The following ITGA8 variants were observed in gnomAD, a reference collection of about 807,000 sequenced individuals.
ITGA8 encodes the protein integrin alpha-8.
Under a neutral mutation model 142.3 loss-of-function variants are expected in ITGA8, and 91 were observed. The ratio of observed to expected loss-of-function variants is 0.64; its 90% CI spans 0.54 to 0.76. ITGA8 has a LOEUF of 0.76. Ranked by LOEUF, ITGA8 falls within the 30% of genes least tolerant of loss-of-function variation. The pLI, the probability that ITGA8 is intolerant of heterozygous loss-of-function variation, is 0.00. For synonymous variants in ITGA8, 505 were observed against 485.2 expected (o/e 1.04, Z -0.54); for missense variants, 1,406 against 1,327.7 (o/e 1.06, Z -0.92).
intron 13 of ITGA8, among the ~76,000 whole-genome samples, chr10:15,628,453 C>T (rs1833627419): frequency 6.6e-6 from 1 of 151,180 alleles, no homozygotes; most frequent in Non-Finnish European, 1.5e-5. Context: ...CTGCCTCAGC[C>T]TCCCGAGTAG....
intron 11 of ITGA8, among the ~76,000 whole-genome samples, chr10:15,653,347 T>TG (rs1327239671): frequency 5.6e-5 from 1 of 17,824 alleles, no homozygotes; most frequent in African/African-American, 6.6e-5. Context: ...TTAATAGACT[T>TG]TTTTTTTAGA....
chr10:15,664,470 A>T (rs1051407293), intron 8 of ITGA8, among the ~76,000 whole-genome samples: 2 of 151,892 alleles, frequency 1.3e-5, no homozygotes, highest in African/African-American at 4.8e-5. Flanking sequence ...AGGATCTGTG[A>T]TGATTCCTAG....
At chr10:15,531,364 G>A (rs1026488294) in intron 27 of ITGA8, among the ~76,000 whole-genome samples, 35 of 119,948 alleles carry the variant, frequency 2.9e-4, no homozygotes, top group East Asian at 1.6e-3. Context: ...CCATCTAAGC[G>A]TCGAAGCGTG....
At chr10:15,673,968 T>C (rs1015615575) in intron 6 of ITGA8, among the ~76,000 whole-genome samples, 2 of 148,904 alleles carry the variant, frequency 1.3e-5, no homozygotes, top group African/African-American at 5.2e-5. Context: ...TGTGATATCA[T>C]GCTCTTTGGC....
rs745816843 is a variant in ITGA8 at position 15,531,164 on chromosome 10, G to T, written c.2881-13C>A. On this transcript the variant is annotated splice_polypyrimidine_tract_variant and intron_variant, in intron 27 of 29. Transcript: ENST00000378076. ...GATCATTTTTTCTCTGAAAGTAAAA[G>T]TATTTATTTAAATATATTTCATATA... is the stretch of plus-strand genomic sequence containing the variant. 32 of 1,327,652 alleles carry T rather than the reference G, an allele frequency of 2.4e-5. No homozygotes were observed. Among genetic ancestry groups the T allele is most frequent in the Non-Finnish European group, 2.8e-5 (27 of 977,304 alleles). The allele number at this position is 1,327,652 out of a possible 1,614,324, so 82.2% of individuals were successfully genotyped here. A position where few individuals can be genotyped will look rare whatever the true frequency, so the allele number is the denominator to read the frequency against.
intron 27 of ITGA8, among the ~76,000 whole-genome samples, chr10:15,547,445 G>T (rs1243725647): frequency 1.3e-5 from 2 of 152,128 alleles, no homozygotes; most frequent in African/African-American, 4.8e-5. Context: ...GGTGGCCCAC[G>T]CCTGTAGTCC....
At chr10:15,585,822 G>T (rs573959285) in intron 23 of ITGA8, among the ~76,000 whole-genome samples, 131 of 152,132 alleles carry the variant, frequency 8.6e-4, no homozygotes, top group African/African-American at 3.0e-3. Context: ...TAGGACCAAA[G>T]AAAAAAGATG....
chr10:15,684,274 A>T lies in ITGA8; in HGVS notation c.445-147T>A, dbSNP rs994808984. ...TGCTAATGAGTGCCTTGGTCATCAG[A>T]GGTAATTAAACTTCCAAAACTAATT... On this transcript the variant is annotated intron_variant, in intron 3 of 29. Transcript: ENST00000378076. 1.8e-5 allele frequency: 13 copies of T among 728,680 alleles called. No homozygotes were observed. In the African/African-American group the frequency reaches 2.2e-4, roughly 12 times the overall value. The allele number at this position is 728,680 out of a possible 1,614,324, so 45.1% of individuals were successfully genotyped here.
chr10:15,701,064 T>C (rs866730093), intron 2 of ITGA8, among the ~76,000 whole-genome samples: 1 of 152,226 alleles, frequency 6.6e-6, no homozygotes, highest in Admixed American at 6.5e-5. Context: ...CAGTGTTTGA[T>C]GAATGAATAA....
intron 2 of ITGA8, among the ~76,000 whole-genome samples, chr10:15,712,441 A>G (rs1296838813): frequency 6.6e-6 from 1 of 151,968 alleles, no homozygotes; most frequent in African/African-American, 2.4e-5. Flanking sequence ...ACAAAACAAA[A>G]AATCACACAA....
chr10:15,680,195 A>G (rs556889631), intron 4 of ITGA8, among the ~76,000 whole-genome samples: 2 of 131,576 alleles, frequency 1.5e-5, no homozygotes, highest in Admixed American at 7.7e-5. Context: ...CGCTGTCACC[A>G]TCAATTTTTT....
intron 6 of ITGA8, among the ~76,000 whole-genome samples, chr10:15,674,020 T>C (rs969906799): frequency 6.6e-6 from 1 of 152,232 alleles, no homozygotes; most frequent in Non-Finnish European, 1.5e-5. Flanking sequence ...TCATTTAACA[T>C]TAATTTGAAA....
rs1403828158 is a variant in ITGA8 at position 15,545,052 on chromosome 10, A to G, written c.2880+3403T>C. Among the ~76,000 whole-genome samples the G allele has an allele frequency of 2.6e-5, 4 of 152,236 alleles. No individual in the cohort carries two copies. In the East Asian group the frequency reaches 7.7e-4, roughly 29 times the overall value. On this transcript the variant is annotated intron_variant, in intron 27 of 29. Coordinates refer to ENST00000378076, the MANE Select transcript of ITGA8 (RefSeq NM_003638.3). ...CACTGAACCAGAATCACCCAGCTAAACCATAGCCAGATTCCTGACTCAGAG... is the reference window on the plus strand; with the variant it reads ...CACTGAACCAGAATCACCCAGCTAAGCCATAGCCAGATTCCTGACTCAGAG...
intron 2 of ITGA8, among the ~76,000 whole-genome samples, chr10:15,693,786 A>G (rs976061526): frequency 1.3e-5 from 2 of 152,196 alleles, no homozygotes; most frequent in African/African-American, 2.4e-5. Flanking sequence ...CGAAGGTTCC[A>G]TGAGATAAGT....
intron 15 of ITGA8, among the ~76,000 whole-genome samples, chr10:15,611,936 T>G (rs1393566484): frequency 6.6e-6 from 1 of 152,184 alleles, no homozygotes; most frequent in African/African-American, 2.4e-5. Context: ...TTAAAGGAAT[T>G]CAGCCTAGAA....
intron 2 of ITGA8, among the ~76,000 whole-genome samples, chr10:15,700,017 A>T (rs796833007): frequency 8.6e-5 from 13 of 151,990 alleles, no homozygotes; most frequent in African/African-American, 2.7e-4. Context: ...AGTTTCATTG[A>T]TTCATAATTC....
At chr10:15,688,190 C>A (rs1834867613) in intron 2 of ITGA8, 152 bp from the exon 3 acceptor site, 2 of 596,120 alleles carry the variant, frequency 3.4e-6, no homozygotes, top group East Asian at 2.9e-5. Context: ...TATGGTGGCT[C>A]ATGCCTGTAA....
chr10:15,670,436 C>T (rs1049891725), intron 8 of ITGA8, among the ~76,000 whole-genome samples: 1 of 152,170 alleles, frequency 6.6e-6, no homozygotes, highest in Non-Finnish European at 1.5e-5. Context: ...GAAGTCAGAA[C>T]TTGAACCTAC....
intron 2 of ITGA8, among the ~76,000 whole-genome samples, chr10:15,692,436 T>C (rs552040987): frequency 4.0e-5 from 6 of 151,714 alleles, no homozygotes; most frequent in African/African-American, 7.3e-5. Flanking sequence ...GCAAACTTAG[T>C]GTAGACTCTG....
Sources: gnomAD v4.1 joint callset for allele counts (sites outside exome capture counted in the v4.1 genomes callset) on GRCh38, gnomAD v4.1.1 for gene constraint, MANE v1.5 for transcripts, NCBI Gene and HGNC (gene_info 2026-07-23, HGNC 2026-07-21) for gene names.